GABRA6: variants seen among roughly 807,000 people sequenced by gnomAD.
GABRA6 encodes gamma-aminobutyric acid receptor subunit alpha-6.
Under a neutral mutation model 47.3 loss-of-function variants are expected in GABRA6, and 45 were observed. The ratio of observed to expected loss-of-function variants is 0.95; its 90% confidence interval spans 0.75 to 1.22. The LOEUF is 1.22. Ranked by LOEUF, GABRA6 falls within the 50% of genes most tolerant of loss-of-function variation. The pLI, the probability that GABRA6 is intolerant of heterozygous loss-of-function variation, is 0.00. For missense variants in GABRA6, 583 were observed against 549.3 expected (o/e 1.06, Z -0.61); for synonymous variants, 219 against 194.7 (o/e 1.12, Z -1.04).
intron 7 of GABRA6, among the ~76,000 whole-genome samples, chr5:161,691,421 G>A (rs1754788980): frequency 6.6e-6 from 1 of 150,390 alleles, no homozygotes; most frequent in East Asian, 2.0e-4. Context: ...TCAGCCTCCG[G>A]AGTAGCTGGG....
chr5:161,692,233 G>T (rs377668354), intron 8 of GABRA6, 33 bp downstream of exon 8: 8 of 1,613,636 alleles, frequency 5.0e-6, no homozygotes, highest in Non-Finnish European at 6.8e-6. Flanking sequence ...ATTACCTACC[G>T]TAGGAAAAAG....
intron 3 of GABRA6, chr5:161,687,527 C>T (rs13162148): frequency 0.028 from 12,552 of 455,376 alleles, 237 homozygotes; most frequent in Middle Eastern, 0.039. Context: ...GTTCCAGGTA[C>T]AGATGGCTGT....
Position 161,692,053 on chromosome 5 carries a change from C to A in GABRA6, c.939C>A (p.Phe313Leu), listed in dbSNP as rs781301508. 4 of 1,614,038 alleles carry A rather than the reference C, an allele frequency of 2.5e-6. No homozygotes were observed. The highest frequency in any genetic ancestry group is 3.4e-6 in the Non-Finnish European group (4 of 1,180,036). The change falls in exon 8 of 9, where the codon TTC becomes TTA. Residue 313 changes from phenylalanine (F) to leucine (L), a missense_variant. By Grantham distance (22) the Phe-to-Leu change is conservative. Coordinates refer to ENST00000274545, the MANE Select transcript of GABRA6 (RefSeq NM_000811.3). ...GGTTCATAGCTGTTTGCTTTGCATT[C>A]GTCTTCTCTGCGCTTATCGAGTTCG... is the stretch of plus-strand genomic sequence containing the variant. ...MDWFIAVCFA[F>L]VFSALIEFAA...
chr5:161,692,141 G>T lies in GABRA6; in HGVS notation c.1027G>T (p.Ala343Ser). The change falls in exon 8 of 9, where the codon GCC (alanine) becomes TCC (serine). Residue 343 changes from alanine to serine, a missense_variant. By Grantham distance (99) the Ala-to-Ser change is moderately conservative. Transcript: ENST00000274545. ...GGCCAAAAGGAAGGCACAGTTTGCAGCCCCACCCACAGTGACAATATCAAA... is the reference window on the plus strand; with the variant it reads ...GGCCAAAAGGAAGGCACAGTTTGCATCCCCACCCACAGTGACAATATCAAA... ...QKAKRKAQFA[A>S]PPTVTISKAT... 1.2e-6 allele frequency: 2 copies of T among 1,614,154 alleles called. No individual in the cohort carries two copies. The highest frequency in any genetic ancestry group is 1.7e-6 in the Non-Finnish European group (2 of 1,180,020).
At chr5:161,688,117 A>G (rs1754730856) in intron 3 of GABRA6, among the ~76,000 whole-genome samples, 1 of 152,102 alleles carries the variant, frequency 6.6e-6, no homozygotes, top group Admixed American at 6.6e-5. Flanking sequence ...TATTTGTGCA[A>G]TAGGTCCCTA....
chr5:161,686,793 C>A (rs1314409306), intron 2 of GABRA6, 143 bp from the exon 3 acceptor site: 4 of 736,908 alleles, frequency 5.4e-6, no homozygotes, highest in Non-Finnish European at 9.8e-6. Context: ...GTTGAGAGAC[C>A]CAAGGATCCC....
At position 161,698,575 on chromosome 5, in the gene GABRA6, T is replaced by C. The variant is rs564588996; in HGVS notation, c.1087-2923T>C. ...ATACACATATATATGTTTGTGTATA[T>C]ATCTTTAAATCATGCCTTTTTCTTA... On this transcript the variant is annotated intron_variant, in intron 8 of 8. Transcript: ENST00000274545. Among the ~76,000 whole-genome samples, 76 of 152,284 alleles carry C rather than the reference T, an allele frequency of 5.0e-4. 1 individual carries two copies. Among genetic ancestry groups the C allele is most frequent in the African/African-American group, 1.1e-3 (47 of 41,564 alleles).
chr5:161,686,886 C>G (rs761965624), intron 2 of GABRA6, 50 bp from the exon 3 acceptor site: 2 of 1,492,392 alleles, frequency 1.3e-6, no homozygotes, highest in South Asian at 2.3e-5. Context: ...GAGATCAATC[C>G]CCTTAACATC....
At chr5:161,696,473 G>A (rs1198260473) in intron 8 of GABRA6, among the ~76,000 whole-genome samples, 1 of 150,842 alleles carries the variant, frequency 6.6e-6, no homozygotes, top group Non-Finnish European at 1.5e-5. Context: ...AAGACTCTAT[G>A]TGCCAGAAAG....
In GABRA6 at chr5:161,685,928, GA is replaced by G; in HGVS notation, c.-61del. ...ATTTCTCCAGTTGATTGGCAGAGAA[GA>G]GCTGGCTAGCAGGGAGGACGACCCT... On this transcript the variant is annotated 5_prime_UTR_variant, in exon 1 of 9. Coordinates refer to ENST00000274545, the MANE Select transcript of GABRA6 (RefSeq NM_000811.3). 1 of 1,323,374 alleles carries G rather than the reference GA, an allele frequency of 7.6e-7. No individual in the cohort carries two copies. The highest frequency in any genetic ancestry group is 1.1e-6 in the Non-Finnish European group (1 of 913,178). The allele number at this position is 1,323,374 out of a possible 1,614,324, so 82.0% of individuals were successfully genotyped here.
At chr5:161,690,141 AC>A (rs1257645508) in intron 6 of GABRA6, 59 bp from the exon 7 acceptor site, 7 of 1,474,210 alleles carry the variant, frequency 4.7e-6, no homozygotes, top group Non-Finnish European at 6.6e-6. Flanking sequence ...TTTATATTCA[AC>A]TGCATTCTTT....
intron 8 of GABRA6, among the ~76,000 whole-genome samples, chr5:161,699,395 C>G (rs930058398): frequency 3.9e-5 from 6 of 151,930 alleles, no homozygotes; most frequent in Admixed American, 3.9e-4. Context: ...TATTTTAATA[C>G]TATATTTAAT....
chr5:161,696,405 G>T (rs1340344170), intron 8 of GABRA6, among the ~76,000 whole-genome samples: 8 of 148,590 alleles, frequency 5.4e-5, no homozygotes, highest in Non-Finnish European at 1.0e-4. Flanking sequence ...GGCTGGAGCT[G>T]ATTTTTTTTG....
Position 161,692,270 on chromosome 5 carries a change from G to C in GABRA6, c.1086+70G>C, listed in dbSNP as rs79970352. The C allele has an allele frequency of 1.9e-4, 295 of 1,586,310 alleles. 2 individuals carry two copies. In the East Asian group the frequency reaches 6.3e-3, roughly 34 times the overall value. On this transcript the variant is annotated intron_variant, in intron 8 of 8. Transcript: ENST00000274545. Reference sequence around the variant, plus strand: ...AGCCTAAATAGTGATCAGAAACAACGAAAGTGTCCAAAAGTAATGTGAGTT... The same window carrying C: ...AGCCTAAATAGTGATCAGAAACAACCAAAGTGTCCAAAAGTAATGTGAGTT...
intron 8 of GABRA6, among the ~76,000 whole-genome samples, chr5:161,698,700 T>C (rs1754925685): frequency 6.6e-6 from 1 of 152,038 alleles, no homozygotes; most frequent in Non-Finnish European, 1.5e-5. Flanking sequence ...CTATAGCACC[T>C]AGGAGGTGTT....
At chr5:161,701,438 T>C in intron 8 of GABRA6, 60 bp from the exon 9 acceptor site, 1 of 1,553,042 alleles carries the variant, frequency 6.4e-7, no homozygotes, top group Admixed American at 1.7e-5. Context: ...AGTGAATAAA[T>C]AAGCAATTAA....
At position 161,691,845 on chromosome 5, in the gene GABRA6, T is replaced by G. The variant is rs551998956; in HGVS notation, c.827-96T>G. ...ATTTTTAAAAATGACTTTGCCTTGG[T>G]AGAGTTTTTTGTCTTCTCCTCTGAC... On this transcript the variant is annotated intron_variant, in intron 7 of 8. Transcript: ENST00000274545. 2.8e-5 allele frequency: 29 copies of G among 1,045,376 alleles called. No homozygotes were observed. The African/African-American group carries it at 4.4e-4, about 16-fold the overall frequency. The allele number at this position is 1,045,376 out of a possible 1,614,324, so 64.8% of individuals were successfully genotyped here.
rs367733338 is a variant in GABRA6, at chr5:161,689,756, G to C, written c.650G>C (p.Ser217Thr). 1 of 1,613,384 alleles carries C rather than the reference G, an allele frequency of 6.2e-7. No individual in the cohort carries two copies. Residue 217 changes from serine (S) to threonine (T), a missense_variant, in exon 6 of 9, where the codon AGT becomes ACT. Ser to Thr is a moderately conservative substitution (Grantham distance 58). Coordinates refer to ENST00000274545, the MANE Select transcript of GABRA6 (RefSeq NM_000811.3). ...QYDLIGQTVS[S>T]ETIKSNTGEY... Reference sequence around the variant, plus strand: ...GATCTGATTGGACAAACAGTATCTAGTGAGACAATTAAATCTAACACAGGT... The same window carrying C: ...GATCTGATTGGACAAACAGTATCTACTGAGACAATTAAATCTAACACAGGT...
intron 8 of GABRA6, among the ~76,000 whole-genome samples, chr5:161,700,217 A>G (rs1290712490): frequency 1.3e-5 from 2 of 152,234 alleles, no homozygotes; most frequent in Non-Finnish European, 2.9e-5. Flanking sequence ...AAGCTGTCTT[A>G]TACTGTTGCC....
Sources: gnomAD v4.1 joint callset for allele counts (sites outside exome capture counted in the v4.1 genomes callset) on GRCh38, gnomAD v4.1.1 for gene constraint, MANE v1.5 for transcripts, NCBI Gene and HGNC (gene_info 2026-07-23, HGNC 2026-07-21) for gene names.